Variants in ANO10 observed in about 807,000 individuals in gnomAD.
The protein encoded by ANO10 is anoctamin-10.
Under a neutral mutation model 74.7 loss-of-function variants are expected in ANO10, and 77 were observed. The observed-to-expected ratio is 1.03, with a 90% CI of 0.86 to 1.25. ANO10 has a LOEUF of 1.25. Among genes scored for constraint, ANO10 ranks in the 50% most tolerant of loss-of-function variants. The probability of loss-of-function intolerance (pLI) is 0.00; values close to 1 mark genes in which losing one functional copy is unlikely to be tolerated. For synonymous variants in ANO10, 279 were observed against 284.9 expected (o/e 0.98, Z 0.21); for missense variants, 721 against 778.1 (o/e 0.93, Z 0.87).
intron 11 of ANO10, among the ~76,000 whole-genome samples, chr3:43,466,388 C>CACAAA (rs1553677055): frequency 1.1e-5 from 1 of 87,448 alleles, no homozygotes; most frequent in African/African-American, 3.9e-5. Context: ...AAAAAAAAAA[C>CACAAA]AAACAAAAAA....
chr3:43,511,680 G>A (rs1049180752), intron 11 of ANO10, among the ~76,000 whole-genome samples: 1 of 152,144 alleles, frequency 6.6e-6, no homozygotes, highest in Non-Finnish European at 1.5e-5. Flanking sequence ...TGCTACCTAA[G>A]AGGATCAGAG....
At chr3:43,613,873 G>A (rs1184126994) in intron 1 of ANO10, among the ~76,000 whole-genome samples, 1 of 152,168 alleles carries the variant, frequency 6.6e-6, no homozygotes, top group Non-Finnish European at 1.5e-5. Context: ...GCAGAAGCAA[G>A]CATGCATCAA....
At position 43,366,939 on chromosome 3, in the gene ANO10, T is replaced by G; in HGVS notation, c.1950A>C (p.Glu650Asp). 1.2e-6 allele frequency: 2 copies of G among 1,601,340 alleles called. No individual in the cohort carries two copies. Among genetic ancestry groups the G allele is most frequent in the Non-Finnish European group, 1.7e-6 (2 of 1,173,914 alleles). ...CCTTCTCCTTCCCGCTTTCCATTGG[T>G]TCCTCCTTCAGGTTCTCGGTCACGA... Reference protein sequence around the residue: ...MKLVTENLKEEPMESGKEKAT With the variant: ...MKLVTENLKEDPMESGKEKAT Residue 650 changes from glutamate to aspartate, a missense_variant, in exon 13 of 13, where the codon GAA (glutamate) becomes GAC (aspartate). Physicochemically the swap from Glu to Asp is conservative, Grantham distance 45. Transcript: ENST00000292246.
intron 11 of ANO10, among the ~76,000 whole-genome samples, chr3:43,517,061 CTGTA>C (rs2077741109): frequency 6.6e-6 from 1 of 152,102 alleles, no homozygotes; most frequent in Non-Finnish European, 1.5e-5. Flanking sequence ...AGCTACCATG[CTGTA>C]ATTACATCAA....
chr3:43,485,176 C>T, intron 11 of ANO10: 1 of 719,514 alleles, frequency 1.4e-6, no homozygotes, highest in Admixed American at 1.9e-5. Flanking sequence ...CACTGGGTGA[C>T]AGCGCCTGCG....
At chr3:43,616,145 C>T (rs1342522832) in intron 1 of ANO10, among the ~76,000 whole-genome samples, 1 of 152,136 alleles carries the variant, frequency 6.6e-6, no homozygotes, top group Non-Finnish European at 1.5e-5. Context: ...CCGCACCTAT[C>T]CAGGAGACTG....
At chr3:43,666,347 T>C (rs2083991923) in intron 1 of ANO10, among the ~76,000 whole-genome samples, 1 of 152,162 alleles carries the variant, frequency 6.6e-6, no homozygotes, top group Admixed American at 6.5e-5. Flanking sequence ...TCATTCTGGA[T>C]TGGGGGAATT....
chr3:43,635,881 A>G (rs904093578), intron 1 of ANO10, among the ~76,000 whole-genome samples: 1 of 151,988 alleles, frequency 6.6e-6, no homozygotes, highest in Non-Finnish European at 1.5e-5. Context: ...AGGCCTCCCA[A>G]AGTGCTGGGA....
intron 12 of ANO10, among the ~76,000 whole-genome samples, chr3:43,387,781 G>A (rs1192984125): frequency 6.6e-6 from 1 of 152,080 alleles, no homozygotes; most frequent in Non-Finnish European, 1.5e-5. Context: ...CAGGTGGCAG[G>A]ACAGCCCCTT....
chr3:43,470,596 T>TTTTTTTTA (rs1237061155), intron 11 of ANO10, among the ~76,000 whole-genome samples: 103 of 143,962 alleles, frequency 7.2e-4, no homozygotes, highest in African/African-American at 1.9e-3. Context: ...CTGGTAATTA[T>TTTTTTTTA]TTTATTTATT....
chr3:43,677,775 AG>A (rs2084142475), intron 1 of ANO10, among the ~76,000 whole-genome samples: 1 of 152,224 alleles, frequency 6.6e-6, no homozygotes, highest in Non-Finnish European at 1.5e-5. Flanking sequence ...TGGTGGTCTC[AG>A]GGTAGTCAGA....
rs373948580 is a variant in ANO10 at position 43,576,773 on chromosome 3, C to A, written c.1081G>T (p.Val361Leu). ...GSEWTSVLLY[V>L]PSIIYAIVIE... Reference sequence around the variant, plus strand: ...ACAATGGCATAGATGATGCTGGGCACATACAACAGGACACTGGTCCACTCA... The same window carrying A: ...ACAATGGCATAGATGATGCTGGGCAAATACAACAGGACACTGGTCCACTCA... The change falls in exon 6 of 13, where the codon GTG (valine) becomes TTG (leucine). Residue 361 changes from valine (V) to leucine (L), a missense_variant. By Grantham distance (32) the Val-to-Leu change is conservative (BLOSUM62 1). Coordinates refer to ENST00000292246, the MANE Select transcript of ANO10 (RefSeq NM_018075.5). The A allele has an allele frequency of 3.1e-6, 5 of 1,614,036 alleles. No individual in the cohort carries two copies. The highest frequency in any genetic ancestry group is 4.2e-6 in the Non-Finnish European group (5 of 1,180,048).
chr3:43,653,310 C>T (rs1051705807), intron 1 of ANO10, among the ~76,000 whole-genome samples: 2 of 152,074 alleles, frequency 1.3e-5, no homozygotes, highest in African/African-American at 4.8e-5. Flanking sequence ...GGCCAAGAAA[C>T]ACATATAAAA....
intron 1 of ANO10, among the ~76,000 whole-genome samples, chr3:43,680,899 G>T (rs1169887385): frequency 6.6e-6 from 1 of 152,126 alleles, no homozygotes; most frequent in Non-Finnish European, 1.5e-5. Flanking sequence ...GTCACCACCA[G>T]GCCTGCCCTA....
At chr3:43,453,181 T>C (rs143082012) in intron 11 of ANO10, among the ~76,000 whole-genome samples, 20,137 of 57,906 alleles carry the variant, frequency 0.35, 1,500 homozygotes, top group African/African-American at 0.35. Context: ...TTTTCCCCCT[T>C]TTTTTTTTTT....
intron 11 of ANO10, among the ~76,000 whole-genome samples, chr3:43,467,297 T>C (rs940655112): frequency 6.6e-6 from 1 of 152,182 alleles, no homozygotes; most frequent in African/African-American, 2.4e-5. Context: ...GGTACAAGAA[T>C]GTTCACTGCT....
chr3:43,580,249 G>A, intron 5 of ANO10, 104 bp downstream of exon 5: 2 of 1,482,832 alleles, frequency 1.3e-6, no homozygotes, highest in Non-Finnish European at 1.9e-6. Context: ...TCCCTGCCCA[G>A]TAGAGCACTA....
intron 1 of ANO10, among the ~76,000 whole-genome samples, chr3:43,646,830 T>C (rs1362002950): frequency 1.3e-5 from 2 of 152,146 alleles, no homozygotes; most frequent in African/African-American, 4.8e-5. Flanking sequence ...TTACATAGAC[T>C]CATATGACTG....
Position 43,543,398 on chromosome 3 carries a change from T to C in ANO10, c.1797+6322A>G, listed in dbSNP as rs140034288. Among the ~76,000 whole-genome samples, 718 of 152,318 alleles carry C rather than the reference T, an allele frequency of 4.7e-3. 5 individuals are homozygous for C. Among genetic ancestry groups the C allele is most frequent in the African/African-American group, 0.017 (690 of 41,586 alleles). On this transcript the variant is annotated intron_variant, in intron 11 of 12. Transcript: ENST00000292246. ...AATTCTGCTTCTTTTCTTTTCTTTT[T>C]TATTTTTTTGAGACGGAGTCTCGCT...
Sources: allele counts gnomAD v4.1 joint callset (sites outside exome capture counted in the v4.1 genomes callset), GRCh38; gene constraint gnomAD v4.1.1; transcripts MANE v1.5; gene names NCBI Gene and HGNC (gene_info 2026-07-23, HGNC 2026-07-21).